MSI2: variants seen among roughly 807,000 people sequenced by gnomAD.
The protein encoded by MSI2 is musashi RNA binding protein 2, also known as RNA-binding protein Musashi homolog 2.
A neutral mutation model predicts 45.6 loss-of-function variants in MSI2; 17 were observed. The observed-to-expected ratio is 0.37, with a 90% CI of 0.26 to 0.56. The LOEUF (loss-of-function observed/expected upper bound fraction) is 0.56. MSI2 is among the 20% of genes least tolerant of loss of function. The pLI, the probability that MSI2 is intolerant of heterozygous loss-of-function variation, is 0.77. For missense variants in MSI2, 293 were observed against 444.2 expected, an observed-to-expected ratio of 0.66 and a Z score of 3.06; for synonymous variants, 156 against 158.2, an observed-to-expected ratio of 0.99 and a Z score of 0.11.
intron 6 of MSI2, among the ~76,000 whole-genome samples, chr17:57,481,466 C>T (rs963360779): frequency 1.3e-5 from 2 of 152,212 alleles, no homozygotes; most frequent in Non-Finnish European, 2.9e-5. Flanking sequence ...TAAAATACCA[C>T]AATTGTCACT....
chr17:57,363,259 A>G (rs1196323897), intron 5 of MSI2, among the ~76,000 whole-genome samples: 1 of 152,202 alleles, frequency 6.6e-6, no homozygotes, highest in African/African-American at 2.4e-5. Context: ...CCTGTTACAA[A>G]AGGAGATTAT....
At chr17:57,271,742 A>ATTTTT (rs1329818335) in intron 5 of MSI2, among the ~76,000 whole-genome samples, 1 of 127,146 alleles carries the variant, frequency 7.9e-6, no homozygotes, top group African/African-American at 3.3e-5. Context: ...GGCCACTGCA[A>ATTTTT]TCTTTTTTTT....
At chr17:57,323,841 G>A (rs543937659) in intron 5 of MSI2, among the ~76,000 whole-genome samples, 4 of 152,270 alleles carry the variant, frequency 2.6e-5, no homozygotes, top group African/African-American at 7.2e-5. Flanking sequence ...TTTCTTGCAC[G>A]AACTCATTAT....
At chr17:57,293,595 G>GTTTTTTTTTTTTTGTTTTTTTTTTTTT (rs71139983) in intron 5 of MSI2, among the ~76,000 whole-genome samples, 1 of 134,724 alleles carries the variant, frequency 7.4e-6, no homozygotes, top group Admixed American at 7.3e-5. Context: ...TTGTTTTTTT[G>GTTTTTTTTTTTTTGTTTTTTTTTTTTT]TTTTTTTTTT....
At chr17:57,486,450 A>G (rs2085756635) in intron 6 of MSI2, among the ~76,000 whole-genome samples, 1 of 152,224 alleles carries the variant, frequency 6.6e-6, no homozygotes. Context: ...CTCCGAAAAT[A>G]GTTTGGGTCA....
chr17:57,580,341 G>A (rs1345110801), intron 7 of MSI2, among the ~76,000 whole-genome samples: 1 of 152,184 alleles, frequency 6.6e-6, no homozygotes, highest in Non-Finnish European at 1.5e-5. Context: ...TCTCCTGACT[G>A]ACTGCTTTTG....
intron 5 of MSI2, among the ~76,000 whole-genome samples, chr17:57,349,151 G>C (rs1915829743): frequency 1.3e-5 from 2 of 152,160 alleles, no homozygotes; most frequent in South Asian, 4.1e-4. Flanking sequence ...TTGGAAGCCT[G>C]GGATGAGGAC....
At chr17:57,396,995 C>T (rs2083903060) in intron 5 of MSI2, among the ~76,000 whole-genome samples, 1 of 152,188 alleles carries the variant, frequency 6.6e-6, no homozygotes, top group African/African-American at 2.4e-5. Context: ...ACTAAAACTC[C>T]AAGCAAAGGA....
At chr17:57,426,931 C>T (rs906915338) in intron 6 of MSI2, among the ~76,000 whole-genome samples, 1 of 152,232 alleles carries the variant, frequency 6.6e-6, no homozygotes, top group Non-Finnish European at 1.5e-5. Flanking sequence ...CTCTTTCCAT[C>T]TCTTGGGGAA....
chr17:57,591,918 A>T (rs1904867450), intron 7 of MSI2, among the ~76,000 whole-genome samples: 2 of 151,980 alleles, frequency 1.3e-5, no homozygotes, highest in African/African-American at 4.8e-5. Context: ...CATTGGCTCA[A>T]TCCCAGCACT....
At chr17:57,468,507 C>T (rs1188010489) in intron 6 of MSI2, among the ~76,000 whole-genome samples, 6 of 130,070 alleles carry the variant, frequency 4.6e-5, no homozygotes, top group African/African-American at 1.8e-4. Context: ...GGCAACAGAG[C>T]GAGACTCTAT....
At chr17:57,621,817 A>T (rs1025886352) in intron 9 of MSI2, among the ~76,000 whole-genome samples, 9 of 152,200 alleles carry the variant, frequency 5.9e-5, no homozygotes, top group Non-Finnish European at 1.2e-4. Flanking sequence ...GGAATTCCTT[A>T]AAAGGAATGT....
At chr17:57,435,922 A>C (rs2084682773) in intron 6 of MSI2, among the ~76,000 whole-genome samples, 1 of 152,156 alleles carries the variant, frequency 6.6e-6, no homozygotes, top group African/African-American at 2.4e-5. Flanking sequence ...GCTCTACTAT[A>C]CACATGGGAA....
intron 5 of MSI2, among the ~76,000 whole-genome samples, chr17:57,304,518 G>A (rs534255286): frequency 6.0e-5 from 9 of 149,720 alleles, no homozygotes; most frequent in Middle Eastern, 3.4e-3. Flanking sequence ...CACCTCCCCG[G>A]TTCAAGCGAT....
intron 5 of MSI2, among the ~76,000 whole-genome samples, chr17:57,276,104 G>T (rs188115465): frequency 1.2e-3 from 176 of 152,316 alleles, no homozygotes; most frequent in Middle Eastern, 6.8e-3. Context: ...ACCTCCTTCA[G>T]AAGATTCTGT....
intron 5 of MSI2, chr17:57,364,921 G>A (rs980936847): frequency 3.3e-5 from 5 of 150,578 alleles, no homozygotes; most frequent in Non-Finnish European, 7.4e-5. Context: ...TTCCTTTTTA[G>A]CATTGCTGAC....
intron 6 of MSI2, among the ~76,000 whole-genome samples, chr17:57,417,835 T>A (rs1377366134): frequency 6.6e-6 from 1 of 152,202 alleles, no homozygotes; most frequent in East Asian, 1.9e-4. Flanking sequence ...AACCACTGGT[T>A]GAAAGTCTGT....
intron 5 of MSI2, among the ~76,000 whole-genome samples, chr17:57,351,529 C>G (rs930770493): frequency 2.0e-5 from 3 of 152,184 alleles, no homozygotes; most frequent in African/African-American, 7.2e-5. Context: ...AATTCTGGAG[C>G]CCCCACCTAC....
intron 7 of MSI2, among the ~76,000 whole-genome samples, chr17:57,565,766 A>T (rs563761448): frequency 6.6e-6 from 1 of 152,292 alleles, no homozygotes; most frequent in East Asian, 1.9e-4. Context: ...AGCTGTATCC[A>T]CCTAGGCTTT....
Sources: gnomAD v4.1 joint callset for allele counts (sites outside exome capture counted in the v4.1 genomes callset) on GRCh38, gnomAD v4.1.1 for gene constraint, MANE v1.5 for transcripts, NCBI Gene and HGNC (gene_info 2026-07-23, HGNC 2026-07-21) for gene names.